Variants in SPECC1 observed in about 807,000 individuals in gnomAD.
SPECC1 encodes the protein sperm antigen with calponin homology and coiled-coil domains 1.
A neutral mutation model predicts 104.1 loss-of-function variants in SPECC1; 62 were observed. That is an observed-to-expected ratio of 0.60 (90% CI 0.49 to 0.74). The LOEUF is 0.74. Ranked by LOEUF, SPECC1 falls within the 30% of genes least tolerant of loss-of-function variation. The probability of loss-of-function intolerance (pLI) is 0.00; values close to 1 mark genes in which losing one functional copy is unlikely to be tolerated. For missense variants in SPECC1, 1,306 were observed against 1,310.5 expected (o/e 1.00, Z 0.05); for synonymous variants, 513 against 501.6 (o/e 1.02, Z -0.30).
Position 20,111,812 on chromosome 17 carries a change from G to C in SPECC1, c.283+1250G>C, listed in dbSNP as rs957538452. 2.9e-5 allele frequency: 24 copies of C among 831,602 alleles called. 1 individual carries two copies. Among genetic ancestry groups the C allele is most frequent in the East Asian group, 7.4e-5 (3 of 40,506 alleles). 51.5% of individuals were successfully genotyped at this position (831,602 alleles called of 1,614,324 possible). ...TGGTGGCTCACTCAGGACCCAGGGG[G>C]GGGGCAGCGCGATGAGGTGGGTGGC... On this transcript the variant is annotated intron_variant, in intron 3 of 14. Transcript: ENST00000395527.
At chr17:20,086,554 G>A (rs1414741047) in intron 1 of SPECC1, among the ~76,000 whole-genome samples, 1 of 152,202 alleles carries the variant, frequency 6.6e-6, no homozygotes, top group Non-Finnish European at 1.5e-5. Flanking sequence ...GCCAGTATGT[G>A]TCACCAGGGG....
intron 3 of SPECC1, among the ~76,000 whole-genome samples, chr17:20,172,692 A>C (rs2034178854): frequency 6.6e-6 from 1 of 152,110 alleles, no homozygotes. Context: ...AGCCAGGGGG[A>C]AGAAACATGG....
At chr17:20,267,667 C>T (rs1020745628) in intron 12 of SPECC1, among the ~76,000 whole-genome samples, 3 of 152,022 alleles carry the variant, frequency 2.0e-5, no homozygotes, top group Non-Finnish European at 4.4e-5. Flanking sequence ...AAGAAGGGCC[C>T]CCTGGCTGGC....
intron 3 of SPECC1, 90 bp from the exon 4 acceptor site, chr17:20,204,242 TC>T (rs2151345096): frequency 7.0e-7 from 1 of 1,434,822 alleles, no homozygotes; most frequent in East Asian, 2.3e-5. Context: ...ACAGCCACTG[TC>T]CACTGTGCCA....
chr17:20,107,965 A>G (rs1425481778), intron 2 of SPECC1, among the ~76,000 whole-genome samples: 2 of 152,228 alleles, frequency 1.3e-5, no homozygotes, highest in Non-Finnish European at 2.9e-5. Flanking sequence ...TTGAACTACT[A>G]CACTCCTGCC....
intron 2 of SPECC1, among the ~76,000 whole-genome samples, chr17:20,100,066 T>C (rs901893147): frequency 1.1e-4 from 16 of 152,222 alleles, no homozygotes; most frequent in African/African-American, 3.6e-4. Flanking sequence ...TACTGTGTCA[T>C]TTTAAATTTT....
chr17:20,032,467 TTTTA>T (rs1483622053), intron 1 of SPECC1, among the ~76,000 whole-genome samples: 1 of 152,180 alleles, frequency 6.6e-6, no homozygotes, highest in Non-Finnish European at 1.5e-5. Context: ...TCTTTTTTCT[TTTTA>T]TTTTTCATTT....
intron 12 of SPECC1, among the ~76,000 whole-genome samples, chr17:20,293,533 C>T (rs906071677): frequency 2.0e-5 from 3 of 152,190 alleles, no homozygotes; most frequent in Non-Finnish European, 4.4e-5. Context: ...TGGTCAGTGT[C>T]CACCCTGTGG....
At chr17:20,279,107 T>TC (rs1278982483) in intron 12 of SPECC1, among the ~76,000 whole-genome samples, 4 of 152,060 alleles carry the variant, frequency 2.6e-5, no homozygotes, top group African/African-American at 4.8e-5. Context: ...TCCTTCTCCA[T>TC]CCCCCAGGAC....
chr17:20,140,399 C>CA (rs1321849572), intron 3 of SPECC1, among the ~76,000 whole-genome samples: 1 of 152,112 alleles, frequency 6.6e-6, no homozygotes, highest in Non-Finnish European at 1.5e-5. Context: ...CACATGTTTG[C>CA]AAATATTCCT....
Position 20,110,428 on chromosome 17 carries a change from T to C in SPECC1, c.149T>C (p.Leu50Pro), listed in dbSNP as rs2048428965. ...SLAFESRLSRLKRASSEDTLN... is the reference protein window; with the variant it reads ...SLAFESRLSRPKRASSEDTLN... ...TCTCTTTCCTTCCAACTCTCTCAGC[T>C]CAAGAGGGCCAGCAGTGAGGACACG... is the stretch of plus-strand genomic sequence containing the variant. The change falls in exon 3 of 15, where the codon CTC (leucine) becomes CCC (proline). Residue 50 changes from leucine (L) to proline (P), a missense_variant and splice_region_variant. This residue lies in a region of SPECC1 where 1,177 missense variants were observed against 1,139.9 expected (regional missense o/e 1.03). Coordinates refer to ENST00000395527, the MANE Select transcript of SPECC1 (RefSeq NM_001243439.2). The C allele has an allele frequency of 6.2e-7, 1 of 1,610,366 alleles. No homozygotes were observed. Among genetic ancestry groups the C allele is most frequent in the African/African-American group, 1.3e-5 (1 of 74,738 alleles).
chr17:20,285,364 T>G (rs2040907607), intron 12 of SPECC1, among the ~76,000 whole-genome samples: 1 of 152,206 alleles, frequency 6.6e-6, no homozygotes, highest in Non-Finnish European at 1.5e-5. Context: ...TGTCTTCATT[T>G]TTCTCAAATG....
chr17:20,237,150 A>C lies in SPECC1; in HGVS notation c.2351+4745A>C, dbSNP rs538332059. The C allele has an allele frequency of 1.4e-5, 19 of 1,358,324 alleles. No homozygotes were observed. In the East Asian group the frequency reaches 3.7e-4, roughly 26 times the overall value. The allele number at this position is 1,358,324 out of a possible 1,614,324, so 84.1% of individuals were successfully genotyped here. Reference sequence around the variant, plus strand: ...GAAGATTGAGCTGTCTTTTATTTGGAGAATAAAATGAAGTTCTGAAAAAAA... The same window carrying C: ...GAAGATTGAGCTGTCTTTTATTTGGCGAATAAAATGAAGTTCTGAAAAAAA... On this transcript the variant is annotated intron_variant, in intron 7 of 14. Transcript: ENST00000395527.
chr17:20,098,140 A>G lies in SPECC1; in HGVS notation c.147+1342A>G, dbSNP rs117294030. On this transcript the variant is annotated intron_variant, in intron 2 of 14. Coordinates refer to ENST00000395527, the MANE Select transcript of SPECC1 (RefSeq NM_001243439.2). ...TCACCCTTGGATGTCCAAAAGTGTA[A>G]CATGTCCAAAACCGAATCTCAATGC... is the stretch of plus-strand genomic sequence containing the variant. Among the ~76,000 whole-genome samples, 405 of 152,266 alleles carry G rather than the reference A, an allele frequency of 2.7e-3. 16 individuals carry two copies. In the East Asian group the frequency reaches 0.075, roughly 28 times the overall value.
At chr17:20,030,068 T>C (rs2044748889) in intron 1 of SPECC1, among the ~76,000 whole-genome samples, 1 of 152,332 alleles carries the variant, frequency 6.6e-6, no homozygotes, top group Non-Finnish European at 1.5e-5. Flanking sequence ...CTCACCTTGA[T>C]TGCAGGTGTT....
intron 12 of SPECC1, among the ~76,000 whole-genome samples, chr17:20,278,550 G>T (rs919064306): frequency 1.3e-5 from 2 of 152,174 alleles, no homozygotes; most frequent in Non-Finnish European, 2.9e-5. Context: ...TCTGGTTAAA[G>T]GTTCTTGGCT....
chr17:20,139,390 AT>A lies in SPECC1; in HGVS notation c.283+28829del, dbSNP rs571181938. On this transcript the variant is annotated intron_variant, in intron 3 of 14. Transcript: ENST00000395527. ...CTTCAATACATATTTAGTGTCTACT[AT>A]GTTCCAGGCATCTTTCTGGGTGCTA... is the stretch of plus-strand genomic sequence containing the variant. Among the ~76,000 whole-genome samples the A allele has an allele frequency of 6.7e-3, 1,018 of 152,344 alleles. 10 individuals are homozygous for A. Among genetic ancestry groups the A allele is most frequent in the African/African-American group, 0.023 (961 of 41,580 alleles).
chr17:20,256,051 G>T (rs1316705759), intron 10 of SPECC1, among the ~76,000 whole-genome samples: 1 of 151,814 alleles, frequency 6.6e-6, no homozygotes, highest in Non-Finnish European at 1.5e-5. Context: ...CTAATTTTTT[G>T]TATTTTTAGT....
At chr17:20,038,026 T>C (rs568576173) in intron 1 of SPECC1, among the ~76,000 whole-genome samples, 29 of 152,302 alleles carry the variant, frequency 1.9e-4, no homozygotes, top group Non-Finnish European at 3.5e-4. Context: ...GTCCATTTCA[T>C]CTACATTGTC....
Sources: allele counts gnomAD v4.1 joint callset (sites outside exome capture counted in the v4.1 genomes callset), GRCh38; gene constraint gnomAD v4.1.1; regional missense constraint gnomAD v4.1.1; transcripts MANE v1.5; gene names NCBI Gene and HGNC (gene_info 2026-07-23, HGNC 2026-07-21).